Variants in RAI1 observed in about 807,000 individuals in gnomAD.
The protein encoded by RAI1 is retinoic acid induced 1, also known as retinoic acid-induced protein 1.
A neutral mutation model predicts 123.8 loss-of-function variants in RAI1; 9 were observed. That is an observed-to-expected ratio of 0.07 (90% confidence interval 0.04 to 0.13). The LOEUF (loss-of-function observed/expected upper bound fraction) is 0.13, where lower values mean the gene tolerates loss of function less well. Ranked by LOEUF, RAI1 falls within the 10% of genes least tolerant of loss-of-function variation. RAI1 has a pLI of 1.00. For missense variants in RAI1, 2,256 were observed against 2,545.8 expected, an observed-to-expected ratio of 0.89 and a Z score of 2.45; for synonymous variants, 1,231 against 1,127.3, an observed-to-expected ratio of 1.09 and a Z score of -1.84.
intron 1 of RAI1, among the ~76,000 whole-genome samples, chr17:17,718,454 G>A (rs578060657): frequency 1.5e-4 from 23 of 152,302 alleles, no homozygotes; most frequent in Non-Finnish European, 2.9e-4. Context: ...CTCAGGAAGT[G>A]CTTGGCGTTA....
intron 2 of RAI1, among the ~76,000 whole-genome samples, chr17:17,784,732 G>C (rs2031764595): frequency 6.6e-6 from 1 of 152,142 alleles, no homozygotes; most frequent in African/African-American, 2.4e-5. Context: ...GAGCCATGAT[G>C]CAGGCAGCTA....
At chr17:17,696,632 GC>G (rs1598017629) in intron 1 of RAI1, among the ~76,000 whole-genome samples, 2 of 152,282 alleles carry the variant, frequency 1.3e-5, no homozygotes, top group African/African-American at 4.8e-5. Flanking sequence ...CCTACCTGTA[GC>G]CCCCCGACAG....
intron 1 of RAI1, among the ~76,000 whole-genome samples, chr17:17,711,655 T>G (rs951632199): frequency 9.2e-5 from 14 of 152,114 alleles, no homozygotes; most frequent in Admixed American, 7.2e-4. Flanking sequence ...AAGTTTCACG[T>G]AAAGGAACAG....
At chr17:17,741,901 G>A (rs1238936357) in intron 2 of RAI1, among the ~76,000 whole-genome samples, 1 of 152,260 alleles carries the variant, frequency 6.6e-6, no homozygotes, top group Non-Finnish European at 1.5e-5. Flanking sequence ...GGGAGATGAC[G>A]ATAGAACAGG....
At chr17:17,691,149 ATTCGGGGGCGATC>A (rs1324352108) in intron 1 of RAI1, among the ~76,000 whole-genome samples, 2 of 152,226 alleles carry the variant, frequency 1.3e-5, no homozygotes, top group Non-Finnish European at 2.9e-5. Flanking sequence ...AGTGGGTCTC[ATTCGGGGGCGATC>A]TTGTGTCTCA....
chr17:17,736,278 T>C (rs1916429907), intron 2 of RAI1, among the ~76,000 whole-genome samples: 1 of 152,160 alleles, frequency 6.6e-6, no homozygotes, highest in South Asian at 2.1e-4. Flanking sequence ...GCTCCTCTCA[T>C]GGCCCCTGCC....
Position 17,795,347 on chromosome 17 carries a change from G to A in RAI1, c.2399G>A (p.Gly800Glu). The change falls in exon 3 of 6, where the codon GGG becomes GAG. Residue 800 changes from glycine (G) to glutamate (E), a missense_variant. Around this residue, in one of 7 missense-constraint regions of RAI1, gnomAD observed 566 missense variants for 616.0 expected, o/e 0.92. Coordinates refer to ENST00000353383, the MANE Select transcript of RAI1 (RefSeq NM_030665.4). The surrounding 1 kb of genome is among the most constrained non-coding windows in gnomAD (Gnocchi z 5.9). The part of the protein sequence containing the change: ...CLGFQEEDPP[G>E]EKVASLPGDF... ...GGCTTCCAGGAGGAGGACCCCCCTG[G>A]GGAGAAGGTGGCCTCGTTGCCCGGG... 2 of 1,600,664 alleles carry A rather than the reference G, an allele frequency of 1.2e-6. No individual in the cohort carries two copies. Among genetic ancestry groups the A allele is most frequent in the East Asian group, 2.2e-5 (1 of 44,598 alleles).
intron 2 of RAI1, among the ~76,000 whole-genome samples, chr17:17,731,621 A>C (rs890048594): frequency 2.6e-5 from 4 of 152,288 alleles, no homozygotes; most frequent in Middle Eastern, 3.4e-3. Flanking sequence ...GAGGATCAGA[A>C]GAGGACCCAG....
At chr17:17,718,886 A>G (rs904601223) in intron 1 of RAI1, among the ~76,000 whole-genome samples, 3 of 152,178 alleles carry the variant, frequency 2.0e-5, no homozygotes, top group Non-Finnish European at 4.4e-5. Context: ...GGTACAGTGG[A>G]GGCTGAGGAG....
At chr17:17,789,808 T>C (rs954821309) in intron 2 of RAI1, among the ~76,000 whole-genome samples, 2 of 152,098 alleles carry the variant, frequency 1.3e-5, no homozygotes, top group South Asian at 2.1e-4. Context: ...GAGAGGCAGG[T>C]TGGGGAGAAA....
intron 1 of RAI1, among the ~76,000 whole-genome samples, chr17:17,720,404 G>A (rs1361600856): frequency 1.3e-5 from 2 of 152,192 alleles, no homozygotes; most frequent in African/African-American, 4.8e-5. Context: ...CTTGGTGAAA[G>A]GTGAAATCAG....
In RAI1 at chr17:17,724,129, G is replaced by T. The variant is rs1241690210; in HGVS notation, c.-47G>T. 1 of 151,136 alleles carries T rather than the reference G, an allele frequency of 6.6e-6. No homozygotes were observed. The highest frequency in any genetic ancestry group is 1.5e-5 in the Non-Finnish European group (1 of 67,652). 9.4% of individuals were successfully genotyped at this position (151,136 alleles called of 1,614,324 possible). A position where few individuals can be genotyped will look rare whatever the true frequency, so the allele number is the denominator to read the frequency against. ...GGGAGACGGCGAGACGCGCAGCGCC[G>T]GCGCCCGGGAGACCCAGGAGGAGCC... is the stretch of plus-strand genomic sequence containing the variant. On this transcript the variant is annotated 5_prime_UTR_variant, in exon 2 of 6. Transcript: ENST00000353383.
chr17:17,749,423 G>C (rs902852094), intron 2 of RAI1, among the ~76,000 whole-genome samples: 29 of 152,250 alleles, frequency 1.9e-4, no homozygotes, highest in Non-Finnish European at 1.5e-4. Flanking sequence ...CCCACTCTTG[G>C]TAACATCAAG....
At chr17:17,752,722 C>T (rs2030256461) in intron 2 of RAI1, among the ~76,000 whole-genome samples, 1 of 152,222 alleles carries the variant, frequency 6.6e-6, no homozygotes, top group Non-Finnish European at 1.5e-5. Flanking sequence ...CTCCTCACCA[C>T]CACAGGGCCT....
chr17:17,761,998 G>A (rs1051979096), intron 2 of RAI1, among the ~76,000 whole-genome samples: 1 of 152,124 alleles, frequency 6.6e-6, no homozygotes, highest in African/African-American at 2.4e-5. Context: ...GTGTGAGCGC[G>A]GCCCAGAAAC....
intron 1 of RAI1, among the ~76,000 whole-genome samples, chr17:17,693,877 G>A (rs1171224232): frequency 6.6e-6 from 1 of 152,190 alleles, no homozygotes; most frequent in Non-Finnish European, 1.5e-5. Context: ...GAAGTAGCGA[G>A]TGCCACTACG....
At chr17:17,742,444 CGAGT>C (rs1916672575) in intron 2 of RAI1, among the ~76,000 whole-genome samples, 1 of 151,890 alleles carries the variant, frequency 6.6e-6, no homozygotes, top group Admixed American at 6.6e-5. Context: ...AATGAATGAA[CGAGT>C]GAATGAATGA....
At chr17:17,785,274 C>G (rs1187681498) in intron 2 of RAI1, among the ~76,000 whole-genome samples, 1 of 152,212 alleles carries the variant, frequency 6.6e-6, no homozygotes, top group African/African-American at 2.4e-5. Context: ...GGCCCCTCAT[C>G]CTCAAACCTG....
At chr17:17,734,116 G>A (rs948877083) in intron 2 of RAI1, among the ~76,000 whole-genome samples, 1 of 152,146 alleles carries the variant, frequency 6.6e-6, no homozygotes, top group Non-Finnish European at 1.5e-5. Flanking sequence ...TGAGGCAGAC[G>A]TTGAAGCCTT....
Sources: allele counts gnomAD v4.1 joint callset (sites outside exome capture counted in the v4.1 genomes callset), GRCh38; gene constraint gnomAD v4.1.1; regional missense constraint gnomAD v4.1.1; non-coding constraint Gnocchi (gnomAD v3.1); transcripts MANE v1.5; gene names NCBI Gene and HGNC (gene_info 2026-07-23, HGNC 2026-07-21).